The following AFF2 variants were observed in gnomAD, a reference collection of about 807,000 sequenced individuals.
AFF2 encodes AF4/FMR2 family member 2.
In AFF2, 14 loss-of-function variants were observed where a neutral mutation model predicts 76.9. The observed-to-expected ratio is 0.18, with a 90% CI of 0.12 to 0.28. AFF2 has a LOEUF of 0.28. Ranked by LOEUF, AFF2 falls within the 10% of genes least tolerant of loss-of-function variation. The pLI is 1.00. For missense variants in AFF2, 868 were observed against 1,001.1 expected (o/e 0.87, Z 1.79); for synonymous variants, 398 against 366.7 (o/e 1.09, Z -0.98).
intron 18 of AFF2, among the ~76,000 whole-genome samples, 165 bp from the exon 19 acceptor site, chrX:148,980,573 G>A (rs1453513277): frequency 4.5e-5 from 5 of 111,336 alleles, no homozygotes; most frequent in East Asian, 2.8e-4. Flanking sequence ...TATTTTCATC[G>A]AGTGTGCGTC....
chrX:148,674,950 G>A (rs2054466285), intron 3 of AFF2, among the ~76,000 whole-genome samples: 1 of 112,388 alleles, frequency 8.9e-6, no homozygotes, highest in Non-Finnish European at 1.9e-5. Context: ...GTCAAATTAG[G>A]TGAAAGGGTT....
intron 3 of AFF2, chrX:148,718,942 A>C: frequency 2.1e-6 from 1 of 469,315 alleles, no homozygotes; most frequent in South Asian, 5.7e-5. Context: ...TGATAGTTTG[A>C]GTATTCAGGT....
chrX:148,604,830 C>T (rs188900346), intron 1 of AFF2, among the ~76,000 whole-genome samples: 7 of 111,089 alleles, frequency 6.3e-5, no homozygotes, highest in Admixed American at 9.6e-5. Context: ...GAGAGCAGAA[C>T]AATAGAGCAA....
At chrX:148,926,472 G>A (rs190634442) in intron 9 of AFF2, among the ~76,000 whole-genome samples, 50 of 111,531 alleles carry the variant, frequency 4.5e-4, no homozygotes, top group Non-Finnish European at 8.7e-4. Context: ...CCGACTGATG[G>A]TATAGTTTAG....
chrX:148,692,905 G>A (rs2054667673), intron 3 of AFF2, among the ~76,000 whole-genome samples: 2 of 110,835 alleles, frequency 1.8e-5, no homozygotes, highest in Admixed American at 9.6e-5. Context: ...TTGAGGCAAG[G>A]TGCCAGGGTT....
intron 9 of AFF2, among the ~76,000 whole-genome samples, chrX:148,952,118 C>T (rs2071975927): frequency 9.0e-6 from 1 of 111,663 alleles, no homozygotes; most frequent in African/African-American, 3.3e-5. Flanking sequence ...TCCCAAGCAG[C>T]AGCTCAGTAT....
intron 3 of AFF2, among the ~76,000 whole-genome samples, chrX:148,754,862 G>A (rs782249933): frequency 8.9e-6 from 1 of 111,749 alleles, no homozygotes; most frequent in East Asian, 2.8e-4. Flanking sequence ...CCCTCCGGAA[G>A]CTCATAATCT....
In AFF2 at chrX:148,954,332, A is replaced by T. The variant is rs782187789; in HGVS notation, c.1557+593A>T. Among the ~76,000 whole-genome samples, 6 of 112,461 alleles carry T rather than the reference A, an allele frequency of 5.3e-5. No individual in the cohort carries two copies. The South Asian group carries it at 2.2e-3, about 42-fold the overall frequency. ...AAGAATTTGCTTCACATCCTCTCTGAGTCCAGGATAGCCGCTCAATTTCCC... is the reference window on the plus strand; with the variant it reads ...AAGAATTTGCTTCACATCCTCTCTGTGTCCAGGATAGCCGCTCAATTTCCC... On this transcript the variant is annotated intron_variant, in intron 10 of 20. Coordinates refer to ENST00000370460, the MANE Select transcript of AFF2 (RefSeq NM_002025.4).
At chrX:148,926,189 T>C (rs970728437) in intron 9 of AFF2, among the ~76,000 whole-genome samples, 2 of 111,893 alleles carry the variant, frequency 1.8e-5, no homozygotes, top group East Asian at 5.6e-4. Flanking sequence ...GCTCTACTGC[T>C]TCCCATGTAC....
At position 148,931,253 on chromosome X, in the gene AFF2, CAAAAAAA is replaced by C. The variant is rs782537927; in HGVS notation, c.1398-22307_1398-22301del. ...TGGGTGACAGAGCGAGACTCTGTCT[CAAAAAAA>C]AAAAAAAAAAAAAAAAAAATTCATA... On this transcript the variant is annotated intron_variant, in intron 9 of 20. Coordinates refer to ENST00000370460, the MANE Select transcript of AFF2 (RefSeq NM_002025.4). Among the ~76,000 whole-genome samples the C allele has an allele frequency of 5.6e-3, 246 of 43,764 alleles. 1 individual carries two copies. Among genetic ancestry groups the C allele is most frequent in the African/African-American group, 0.021 (232 of 10,956 alleles). 38.0% of individuals were successfully genotyped at this position (43,764 alleles called of 115,157 possible). A position where few individuals can be genotyped will look rare whatever the true frequency, so the allele number is the denominator to read the frequency against.
At chrX:148,850,987 A>G (rs1350388131) in intron 7 of AFF2, among the ~76,000 whole-genome samples, 1 of 112,414 alleles carries the variant, frequency 8.9e-6, no homozygotes, top group Non-Finnish European at 1.9e-5. Flanking sequence ...TCCATGGATT[A>G]TGCTTAGAAT....
chrX:148,557,411 A>G (rs1246670354), intron 1 of AFF2, among the ~76,000 whole-genome samples: 5 of 112,407 alleles, frequency 4.4e-5, no homozygotes, highest in Non-Finnish European at 9.4e-5. Context: ...TATAAAGAAC[A>G]GAGATTTATT....
chrX:148,710,916 G>A (rs1484809930), intron 3 of AFF2, among the ~76,000 whole-genome samples: 1 of 111,392 alleles, frequency 9.0e-6, no homozygotes, highest in Non-Finnish European at 1.9e-5. Flanking sequence ...AAAAATAACG[G>A]CTGGACTGGG....
chrX:148,623,125 A>G (rs2053886205), intron 1 of AFF2, among the ~76,000 whole-genome samples: 1 of 111,662 alleles, frequency 9.0e-6, no homozygotes, highest in Non-Finnish European at 1.9e-5. Flanking sequence ...ATGGTATCAT[A>G]TAATATAAAG....
At chrX:148,692,809 G>A (rs1413413705) in intron 3 of AFF2, among the ~76,000 whole-genome samples, 4 of 111,817 alleles carry the variant, frequency 3.6e-5, no homozygotes, top group African/African-American at 1.3e-4. Flanking sequence ...ATTTTTGCAT[G>A]TGGGAAGGTT....
At chrX:148,761,991 A>AGATATAGATATC (rs2069450822) in intron 3 of AFF2, among the ~76,000 whole-genome samples, 1 of 109,471 alleles carries the variant, frequency 9.1e-6, no homozygotes, top group Non-Finnish European at 1.9e-5. Flanking sequence ...ATATAGATAT[A>AGATATAGATATC]GATATAGATA....
chrX:148,999,020 A>G lies in AFF2; in HGVS notation c.*7688A>G, dbSNP rs1205370850. 1 of 111,693 alleles carries G rather than the reference A, an allele frequency of 9.0e-6. No homozygotes were observed. The highest frequency in any genetic ancestry group is 2.8e-4 in the East Asian group (1 of 3,582). 9.2% of individuals were successfully genotyped at this position (111,693 alleles called of 1,213,427 possible). On this transcript the variant is annotated 3_prime_UTR_variant, in exon 21 of 21. Transcript: ENST00000370460. Reference sequence around the variant, plus strand: ...TCGATGGGTTTTCAAAGAATGCTCCATGTTCATTGGGCCCTTTCACACCCC... The same window carrying G: ...TCGATGGGTTTTCAAAGAATGCTCCGTGTTCATTGGGCCCTTTCACACCCC...
At chrX:148,663,255 A>G (rs1170113270) in intron 3 of AFF2, among the ~76,000 whole-genome samples, 1 of 111,856 alleles carries the variant, frequency 8.9e-6, no homozygotes, top group Non-Finnish European at 1.9e-5. Context: ...TTCTTTAAGA[A>G]TTTTAGTTTC....
At chrX:148,681,749 G>C (rs782023561) in intron 3 of AFF2, among the ~76,000 whole-genome samples, 89 of 110,533 alleles carry the variant, frequency 8.1e-4, no homozygotes, top group African/African-American at 2.8e-3. Flanking sequence ...GAAAGAAAGA[G>C]GAACGGAATG....
Sources: allele counts gnomAD v4.1 joint callset (sites outside exome capture counted in the v4.1 genomes callset), GRCh38; gene constraint gnomAD v4.1.1; transcripts MANE v1.5; gene names NCBI Gene and HGNC (gene_info 2026-07-23, HGNC 2026-07-21).